The following LAMC2 variants were observed in gnomAD, a reference collection of about 807,000 sequenced individuals.
The protein encoded by LAMC2 is laminin subunit gamma-2.
A neutral mutation model predicts 140.2 loss-of-function variants in LAMC2; 97 were observed. That is an observed-to-expected ratio of 0.69 (90% CI 0.59 to 0.82). The LOEUF is 0.82. LAMC2 is among the 40% of genes least tolerant of loss of function. The probability of loss-of-function intolerance (pLI) is 0.00; values close to 1 mark genes in which losing one functional copy is unlikely to be tolerated. For synonymous variants in LAMC2, 513 were observed against 540.2 expected (o/e 0.95, Z 0.70); for missense variants, 1,402 against 1,476.1 (o/e 0.95, Z 0.82).
intron 10 of LAMC2, 125 bp downstream of exon 10, chr1:183,227,822 C>A: frequency 2.3e-6 from 2 of 866,900 alleles, no homozygotes; most frequent in Non-Finnish European, 1.9e-6. Flanking sequence ...CCCAAATGTG[C>A]TCACTCTAAA....
At chr1:183,187,541 T>C (rs1658193911) in intron 1 of LAMC2, among the ~76,000 whole-genome samples, 1 of 150,746 alleles carries the variant, frequency 6.6e-6, no homozygotes, top group Non-Finnish European at 1.5e-5. Flanking sequence ...TGTGAAATAA[T>C]GAACATATTA....
At position 183,213,515 on chromosome 1, in the gene LAMC2, A is replaced by G. The variant is rs568101406; in HGVS notation, c.269-1938A>G. On this transcript the variant is annotated intron_variant, in intron 2 of 22. Coordinates refer to ENST00000264144, the MANE Select transcript of LAMC2 (RefSeq NM_005562.3). ...ATACTAATCATTACAGATACTTAAG[A>G]TATAGGCTGGGTGCCCTGGGTCATG... 6.6e-5 allele frequency among the ~76,000 whole-genome samples: 10 copies of G among 152,284 alleles called. No homozygotes were observed. In the South Asian group the frequency reaches 1.7e-3, roughly 25 times the overall value.
chr1:183,202,392 A>G (rs1658737536), intron 1 of LAMC2, among the ~76,000 whole-genome samples: 1 of 152,178 alleles, frequency 6.6e-6, no homozygotes. Flanking sequence ...TTGACCAAGG[A>G]TAAAAGAAGG....
At chr1:183,186,513 C>A (rs555323886) in intron 1 of LAMC2, 82 bp downstream of exon 1, 1 of 1,464,284 alleles carries the variant, frequency 6.8e-7, no homozygotes, top group Non-Finnish European at 9.3e-7. Context: ...GCTGAACGTA[C>A]CTCCGAGGAT....
At chr1:183,251,128 GA>G in the LAMC2 span, 1 of 152,198 alleles carries the variant, frequency 6.6e-6, no homozygotes, top group African/African-American at 2.4e-5. Flanking sequence ...GAGGAAGGTA[GA>G]AAATTAGAGA....
chr1:183,223,455 G>A (rs765048790), intron 7 of LAMC2, 131 bp downstream of exon 7: 43 of 822,878 alleles, frequency 5.2e-5, no homozygotes, highest in Non-Finnish European at 8.5e-5. Context: ...TACCATGAAG[G>A]TTGCTATGTG....
intron 2 of LAMC2, among the ~76,000 whole-genome samples, chr1:183,210,634 A>G (rs180732828): frequency 6.6e-6 from 1 of 152,374 alleles, no homozygotes; most frequent in Admixed American, 6.5e-5. Context: ...GCCCAAAAGC[A>G]GACAATTTAT....
the LAMC2 span, among the ~76,000 whole-genome samples, chr1:183,253,361 A>G: frequency 2.0e-5 from 3 of 149,412 alleles, no homozygotes; most frequent in East Asian, 5.8e-4. Context: ...ATATAGTTTA[A>G]TGGTTACTGT....
At chr1:183,225,796 C>A in intron 8 of LAMC2, 76 bp downstream of exon 8, 1 of 960,206 alleles carries the variant, frequency 1.0e-6, no homozygotes, top group Non-Finnish European at 1.7e-6. Context: ...AAGGTGGCGG[C>A]AGTCTCCAAA....
the LAMC2 span, chr1:183,251,259 G>T: frequency 6.6e-6 from 1 of 152,274 alleles, no homozygotes; most frequent in Non-Finnish European, 1.5e-5. Context: ...CTCTGCAGGG[G>T]CTAGAACCAA....
chr1:183,202,926 C>T (rs566833199), intron 1 of LAMC2, among the ~76,000 whole-genome samples: 136 of 152,262 alleles, frequency 8.9e-4, no homozygotes, highest in Middle Eastern at 3.4e-3. Context: ...TAAAGTTCAA[C>T]AGAACATTCA....
chr1:183,251,920 C>T, the LAMC2 span: 1 of 157,080 alleles, frequency 6.4e-6, no homozygotes, highest in Non-Finnish European at 1.4e-5. Flanking sequence ...CGCGGGTGCA[C>T]ACGCATGTGT....
At position 183,243,394 on chromosome 1, in the gene LAMC2, A is replaced by T; in HGVS notation, c.3576A>T (p.Gln1192His). The T allele has an allele frequency of 6.2e-7, 1 of 1,614,238 alleles. No individual in the cohort carries two copies. Among genetic ancestry groups the T allele is most frequent in the Non-Finnish European group, 8.5e-7 (1 of 1,180,032 alleles). Residue 1192 changes from glutamine (Q) to histidine (H), a missense_variant, in exon 23 of 23, where the codon CAA becomes CAT. Coordinates refer to ENST00000264144, the MANE Select transcript of LAMC2 (RefSeq NM_005562.3). ...PGCYNTQALE[Q>H]Q ...GCTACAATACCCAGGCTCTTGAGCA[A>T]CAGTGAAGCTGCCATAAATATTTCT...
chr1:183,195,994 T>C (rs1282971338), intron 1 of LAMC2, among the ~76,000 whole-genome samples: 1 of 152,228 alleles, frequency 6.6e-6, no homozygotes, highest in East Asian at 1.9e-4. Context: ...TGTCTCAGAC[T>C]TGAAGACATG....
At chr1:183,239,832 G>T (rs1399951109) in intron 20 of LAMC2, 5 of 667,038 alleles carry the variant, frequency 7.5e-6, no homozygotes, top group Non-Finnish European at 2.6e-6. Flanking sequence ...TCTGGCCGCT[G>T]ACCTTCCTAG....
downstream of LAMC2, chr1:183,248,573 G>C (rs1278357612): frequency 6.6e-6 from 1 of 152,132 alleles, no homozygotes; most frequent in African/African-American, 2.4e-5. Flanking sequence ...AGGCTAATAG[G>C]ACACTCCAAA....
intron 2 of LAMC2, among the ~76,000 whole-genome samples, chr1:183,210,514 C>T (rs1659038179): frequency 6.6e-6 from 1 of 152,122 alleles, no homozygotes; most frequent in Non-Finnish European, 1.5e-5. Context: ...CTAAAGTCTT[C>T]CAGCAACTGA....
At chr1:183,227,358 T>C (rs1659657321) in intron 9 of LAMC2, among the ~76,000 whole-genome samples, 157 bp from the exon 10 acceptor site, 1 of 152,138 alleles carries the variant, frequency 6.6e-6, no homozygotes, top group African/African-American at 2.4e-5. Flanking sequence ...ATGTTTAGAT[T>C]TGGTTCTATG....
Position 183,208,026 on chromosome 1 carries a change from CAG to C in LAMC2, c.229_230del (p.Glu77LysfsTer10), listed in dbSNP as rs1263909843. The C allele has an allele frequency of 6.2e-7, 1 of 1,613,770 alleles. No homozygotes were observed. Among genetic ancestry groups the C allele is most frequent in the African/African-American group, 1.3e-5 (1 of 74,790 alleles). ...AGTGCAAGAATGGCTTTTACCGGCA[CAG>C]AGAAAGGGACCGCTGTTTGCCCTGC... ...EKCKNGFYRH[R>X]ERDRCLPCNC... On this transcript the variant is annotated frameshift_variant, in exon 2 of 23. Coordinates refer to ENST00000264144, the MANE Select transcript of LAMC2 (RefSeq NM_005562.3). LOFTEE classifies it high-confidence loss of function.
Sources: allele counts gnomAD v4.1 joint callset (sites outside exome capture counted in the v4.1 genomes callset), GRCh38; gene constraint gnomAD v4.1.1; transcripts MANE v1.5; gene names NCBI Gene and HGNC (gene_info 2026-07-23, HGNC 2026-07-21).